GATC: variants seen among roughly 807,000 people sequenced by gnomAD.
GATC encodes the protein glutamyl-tRNA amidotransferase subunit C.
A neutral mutation model predicts 14.4 loss-of-function variants in GATC; 11 were observed. The observed-to-expected ratio is 0.77, with a 90% CI of 0.48 to 1.27. The LOEUF is 1.27. Ranked by LOEUF, GATC falls within the 50% of genes most tolerant of loss-of-function variation. The pLI, the probability that GATC is intolerant of heterozygous loss-of-function variation, is 0.00. For synonymous variants in GATC, 76 were observed against 79.3 expected, an observed-to-expected ratio of 0.96 and a Z score of 0.22; for missense variants, 204 against 183.0, an observed-to-expected ratio of 1.11 and a Z score of -0.66.
rs561938544 is a variant in GATC, at chr12:120,456,001, A to T, written c.255-1075A>T. Among the ~76,000 whole-genome samples the T allele has an allele frequency of 7.2e-5, 11 of 152,266 alleles. No homozygotes were observed. In the East Asian group the frequency reaches 2.1e-3, roughly 29 times the overall value. ...GCGCCCGGCTGACAACTTAGTTCTT[A>T]TGTGCAGCCTTAGCCCAGATGTACC... On this transcript the variant is annotated intron_variant, in intron 2 of 3. Coordinates refer to ENST00000551765, the MANE Select transcript of GATC (RefSeq NM_176818.3).
intron 2 of GATC, among the ~76,000 whole-genome samples, chr12:120,448,960 C>CT (rs370203860): frequency 0.31 from 43,550 of 140,050 alleles, 6,759 homozygotes; most frequent in East Asian, 0.49. Flanking sequence ...TACTTAGGTT[C>CT]TTTTTTTTTT....
chr12:120,456,496 C>T (rs1257617592), intron 2 of GATC, among the ~76,000 whole-genome samples: 1 of 152,174 alleles, frequency 6.6e-6, no homozygotes, highest in African/African-American at 2.4e-5. Flanking sequence ...CTTAGCTTTC[C>T]AGCTTCATCT....
At position 120,446,467 on chromosome 12, in the gene GATC, CAAGG is replaced by C; in HGVS notation, c.-6_-3del. ...TTACGCGCGGGCGCACTGCGGGGGC[CAAGG>C]AAGGAAGAAATGTGGTCGCGGTTGG... On this transcript the variant is annotated 5_prime_UTR_variant, in exon 1 of 4. Coordinates refer to ENST00000551765, the MANE Select transcript of GATC (RefSeq NM_176818.3). 6.2e-7 allele frequency: 1 copy of C among 1,604,926 alleles called. No homozygotes were observed. The highest frequency in any genetic ancestry group is 8.5e-7 in the Non-Finnish European group (1 of 1,173,726).
At chr12:120,453,831 A>G (rs1757482160) in intron 2 of GATC, among the ~76,000 whole-genome samples, 1 of 83,064 alleles carries the variant, frequency 1.2e-5, no homozygotes, top group African/African-American at 3.2e-5. Flanking sequence ...AAAAAAGTAA[A>G]ACAACAACAA....
intron 2 of GATC, among the ~76,000 whole-genome samples, chr12:120,451,528 G>A (rs749560977): frequency 6.6e-6 from 1 of 152,030 alleles, no homozygotes; most frequent in Non-Finnish European, 1.5e-5. Flanking sequence ...GATCACCTGA[G>A]GCCAGGAGTT....
At chr12:120,448,603 A>G (rs1877944094) in intron 2 of GATC, among the ~76,000 whole-genome samples, 1 of 147,656 alleles carries the variant, frequency 6.8e-6, no homozygotes, top group Non-Finnish European at 1.5e-5. Context: ...TGCTGGGATT[A>G]CAGGTATGAG....
chr12:120,451,876 T>TTTTTTTTTTTTC (rs1225730738), intron 2 of GATC, among the ~76,000 whole-genome samples: 33,274 of 104,552 alleles, frequency 0.32, 7,104 homozygotes, highest in East Asian at 0.48. Flanking sequence ...ATATAAATTC[T>TTTTTTTTTTTTC]TTTTTTTTTT....
intron 2 of GATC, among the ~76,000 whole-genome samples, chr12:120,451,953 T>C (rs1878063766): frequency 7.3e-6 from 1 of 137,366 alleles, no homozygotes; most frequent in Admixed American, 8.1e-5. Flanking sequence ...CTCAGCTCAC[T>C]GCAACCTCTG....
chr12:120,461,320 T>G lies in GATC; in HGVS notation c.*1361T>G, dbSNP rs1221755034. The G allele has an allele frequency of 6.6e-6, 1 of 152,184 alleles. No individual in the cohort carries two copies. The highest frequency in any genetic ancestry group is 6.5e-5 in the Admixed American group (1 of 15,278). The allele number at this position is 152,184 out of a possible 1,614,324, so 9.4% of individuals were successfully genotyped here. A position where few individuals can be genotyped will look rare whatever the true frequency, so the allele number is the denominator to read the frequency against. Reference sequence around the variant, plus strand: ...TGTTGCCTATCTGGTCGTGAACTCCTGGCCTCAAGGGATCCTCTGGCATGC... The same window carrying G: ...TGTTGCCTATCTGGTCGTGAACTCCGGGCCTCAAGGGATCCTCTGGCATGC... On this transcript the variant is annotated 3_prime_UTR_variant, in exon 4 of 4. Transcript: ENST00000551765.
At chr12:120,449,029 C>A (rs1405702024) in intron 2 of GATC, among the ~76,000 whole-genome samples, 4 of 149,468 alleles carry the variant, frequency 2.7e-5, no homozygotes, top group African/African-American at 9.9e-5. Flanking sequence ...GTGGCGTGAT[C>A]TTGGCTCACT....
chr12:120,446,573 G>A lies in GATC; in HGVS notation c.81+12G>A, dbSNP rs772106941. ...AGGCGGATCCTCAGGTAAAGGCCAG[G>A]GCCATCTAGGCGGGTGGCGGAGCAA... On this transcript the variant is annotated intron_variant, in intron 1 of 3. Coordinates refer to ENST00000551765, the MANE Select transcript of GATC (RefSeq NM_176818.3). 6.3e-7 allele frequency: 1 copy of A among 1,594,740 alleles called. No individual in the cohort carries two copies. The highest frequency in any genetic ancestry group is 8.5e-7 in the Non-Finnish European group (1 of 1,170,382).
rs1878366831 is a variant in GATC, at chr12:120,462,254, A to G, written c.*2295A>G. On this transcript the variant is annotated 3_prime_UTR_variant, in exon 4 of 4. Coordinates refer to ENST00000551765, the MANE Select transcript of GATC (RefSeq NM_176818.3). The stretch of plus-strand genomic sequence containing the variant: ...CAACATCTAACAATAATAGTTAAGT[A>G]TTGAGCACTTACTGTGTACTCTGTG... 3 of 1,382,482 alleles carry G rather than the reference A, an allele frequency of 2.2e-6. No individual in the cohort carries two copies. The highest frequency in any genetic ancestry group is 2.2e-5 in the Admixed American group (1 of 45,692). 85.6% of individuals were successfully genotyped at this position (1,382,482 alleles called of 1,614,324 possible).
chr12:120,458,072 C>G (rs1010003280), intron 3 of GATC, among the ~76,000 whole-genome samples: 4 of 151,516 alleles, frequency 2.6e-5, no homozygotes, highest in Non-Finnish European at 4.4e-5. Context: ...ACCTGGATAC[C>G]TGACATTTTG....
In GATC at chr12:120,462,220, T is replaced by G; in HGVS notation, c.*2261T>G. 3 of 1,533,892 alleles carry G rather than the reference T, an allele frequency of 2.0e-6. No individual in the cohort carries two copies. The highest frequency in any genetic ancestry group is 2.4e-5 in the South Asian group (2 of 83,452). ...GGGAAAAAAATCAGAGCCAGAAGAA[T>G]AAGCAAACCAACATCTAACAATAAT... On this transcript the variant is annotated 3_prime_UTR_variant, in exon 4 of 4. Coordinates refer to ENST00000551765, the MANE Select transcript of GATC (RefSeq NM_176818.3).
chr12:120,459,365 C>T (rs1379269410), intron 3 of GATC, among the ~76,000 whole-genome samples: 1 of 152,160 alleles, frequency 6.6e-6, no homozygotes, highest in Admixed American at 6.5e-5. Context: ...CCTTCTAGTC[C>T]TATCTGCATA....
Position 120,460,227 on chromosome 12 carries a change from GACATTATTTAT to G in GATC, c.*269_*279del. The G allele has an allele frequency of 3.2e-6, 1 of 307,788 alleles. No individual in the cohort carries two copies. Among genetic ancestry groups the G allele is most frequent in the Non-Finnish European group, 6.1e-6 (1 of 162,652 alleles). The allele number at this position is 307,788 out of a possible 1,614,324, so 19.1% of individuals were successfully genotyped here. A position where few individuals can be genotyped will look rare whatever the true frequency, so the allele number is the denominator to read the frequency against. ...CTTAACAGGCCTGTTCAGTATGGAA[GACATTATTTAT>G]CTGCCTTTAACTCCCCCCAAAGGAC... On this transcript the variant is annotated 3_prime_UTR_variant, in exon 4 of 4. Coordinates refer to ENST00000551765, the MANE Select transcript of GATC (RefSeq NM_176818.3).
intron 2 of GATC, among the ~76,000 whole-genome samples, chr12:120,451,515 G>A (rs1406604817): frequency 6.6e-6 from 1 of 151,938 alleles, no homozygotes; most frequent in Non-Finnish European, 1.5e-5. Flanking sequence ...GCTGAGGCAG[G>A]TGGATCACCT....
intron 2 of GATC, among the ~76,000 whole-genome samples, chr12:120,451,875 C>CTTT (rs1170221029): frequency 0.039 from 3,491 of 90,624 alleles, 356 homozygotes; most frequent in Non-Finnish European, 0.055. Flanking sequence ...TATATAAATT[C>CTTT]TTTTTTTTTT....
Position 120,446,674 on chromosome 12 carries a change from G to C in GATC, c.99G>C (p.Thr33=), listed in dbSNP as rs761160551. Reference sequence around the variant, plus strand: ...TCCTCCAGGGCAGTGGCCGGATCACGGCTGCGGTGATCGAGCACCTGGAGC... The same window carrying C: ...TCCTCCAGGGCAGTGGCCGGATCACCGCTGCGGTGATCGAGCACCTGGAGC... ...KADPQGSGRI[T]AAVIEHLERL... is the part of the protein sequence containing the mutation. Residue 33 remains threonine, a synonymous_variant, in exon 2 of 4, where the codon ACG becomes ACC. Transcript: ENST00000551765. 2.4e-5 allele frequency: 38 copies of C among 1,612,816 alleles called. No homozygotes were observed. The highest frequency in any genetic ancestry group is 3.1e-5 in the Non-Finnish European group (36 of 1,179,554).
Sources: allele counts gnomAD v4.1 joint callset (sites outside exome capture counted in the v4.1 genomes callset), GRCh38; gene constraint gnomAD v4.1.1; transcripts MANE v1.5; gene names NCBI Gene and HGNC (gene_info 2026-07-23, HGNC 2026-07-21).